Variants in SHLD1 observed in about 807,000 individuals in gnomAD.
SHLD1 encodes the protein shieldin complex subunit 1.
SHLD1 carries 3 observed loss-of-function variants against 5.5 expected under a neutral mutation model. The observed-to-expected ratio is 0.54, with a 90% CI of 0.25 to 1.40. The LOEUF is 1.40. SHLD1 is among the 40% of genes most tolerant of loss of function. The probability of loss-of-function intolerance (pLI) is 0.15; values close to 1 mark genes in which losing one functional copy is unlikely to be tolerated. For synonymous variants in SHLD1, 92 were observed against 94.3 expected, an observed-to-expected ratio of 0.98 and a Z score of 0.14; for missense variants, 210 against 244.4, an observed-to-expected ratio of 0.86 and a Z score of 0.94.
At chr20:5,843,509 T>A (rs1452106556) in intron 2 of SHLD1, among the ~76,000 whole-genome samples, 1 of 152,134 alleles carries the variant, frequency 6.6e-6, no homozygotes, top group Admixed American at 6.5e-5. Context: ...GGTGATTTCT[T>A]GTTAAGCACC....
chr20:5,858,560 G>A (rs751331835), intron 2 of SHLD1, among the ~76,000 whole-genome samples: 11 of 152,178 alleles, frequency 7.2e-5, no homozygotes, highest in African/African-American at 1.2e-4. Context: ...CAGGCTGAGC[G>A]TGGTGGCTCA....
At chr20:5,853,911 C>T (rs1454601142) in intron 2 of SHLD1, among the ~76,000 whole-genome samples, 2 of 151,662 alleles carry the variant, frequency 1.3e-5, no homozygotes, top group Non-Finnish European at 2.9e-5. Context: ...GTGACCACTG[C>T]TCACTGCAGC....
intron 2 of SHLD1, among the ~76,000 whole-genome samples, chr20:5,852,329 C>G (rs1170936078): frequency 6.6e-6 from 1 of 152,184 alleles, no homozygotes; most frequent in Non-Finnish European, 1.5e-5. Flanking sequence ...CTACATATGG[C>G]TAGTGGCTGA....
chr20:5,801,734 G>A (rs2087297047), intron 2 of SHLD1, among the ~76,000 whole-genome samples: 1 of 152,170 alleles, frequency 6.6e-6, no homozygotes, highest in Non-Finnish European at 1.5e-5. Context: ...CTGTACAAAA[G>A]ACAGAGTAAT....
At chr20:5,758,273 T>C (rs1984239814) in intron 1 of SHLD1, among the ~76,000 whole-genome samples, 1 of 135,202 alleles carries the variant, frequency 7.4e-6, no homozygotes. Flanking sequence ...GGGCTAGAGA[T>C]GTTTCTTGGT....
chr20:5,853,650 C>T (rs1317323667), intron 2 of SHLD1, among the ~76,000 whole-genome samples: 2 of 152,054 alleles, frequency 1.3e-5, no homozygotes, highest in African/African-American at 4.8e-5. Flanking sequence ...TAAGTATACC[C>T]TCAGTAGTGT....
intron 2 of SHLD1, among the ~76,000 whole-genome samples, chr20:5,792,967 G>A (rs1030691148): frequency 2.6e-5 from 4 of 152,190 alleles, no homozygotes; most frequent in Admixed American, 6.5e-5. Context: ...GAGCCACCAC[G>A]CCTGGCCTCG....
chr20:5,760,706 A>C (rs563528140), intron 1 of SHLD1, among the ~76,000 whole-genome samples: 4 of 152,178 alleles, frequency 2.6e-5, no homozygotes, highest in African/African-American at 4.8e-5. Context: ...AATAAAAAAA[A>C]AACAACAAGG....
intron 2 of SHLD1, among the ~76,000 whole-genome samples, chr20:5,862,568 TC>T (rs2088177310): frequency 6.6e-6 from 1 of 152,266 alleles, no homozygotes; most frequent in African/African-American, 2.4e-5. Context: ...TTCAGCACCT[TC>T]CCAGTTTGGG....
intron 2 of SHLD1, among the ~76,000 whole-genome samples, chr20:5,846,062 C>T (rs1432685534): frequency 1.3e-5 from 2 of 152,144 alleles, no homozygotes; most frequent in East Asian, 1.9e-4. Context: ...TATGGAAAAA[C>T]GCCAGACTTT....
rs1418708797 is a variant in SHLD1 at position 5,800,673 on chromosome 20, C to A, written c.178+27630C>A. ...ACTGCACCCCAGCCTGGGCAACAGA[C>A]CGAGACTGTCTCAAAAAAAAAAAAA... On this transcript the variant is annotated intron_variant, in intron 2 of 2. Coordinates refer to ENST00000303142, the MANE Select transcript of SHLD1 (RefSeq NM_152504.4). Among the ~76,000 whole-genome samples, 9 of 122,734 alleles carry A rather than the reference C, an allele frequency of 7.3e-5. No homozygotes were observed. In the South Asian group the frequency reaches 1.9e-3, roughly 26 times the overall value. The allele number at this position is 122,734 out of a possible 152,430, so 80.5% of individuals were successfully genotyped here. A position where few individuals can be genotyped will look rare whatever the true frequency, so the allele number is the denominator to read the frequency against.
chr20:5,842,181 T>C (rs2087871471), intron 2 of SHLD1, among the ~76,000 whole-genome samples: 1 of 152,244 alleles, frequency 6.6e-6, no homozygotes, highest in Non-Finnish European at 1.5e-5. Flanking sequence ...CAAGGATAGC[T>C]GGACTACCTT....
At chr20:5,769,298 A>G (rs6053668) in intron 1 of SHLD1, among the ~76,000 whole-genome samples, 1,791 of 152,294 alleles carry the variant, frequency 0.012, 30 homozygotes, top group African/African-American at 0.041. Context: ...CTTTTCTGAC[A>G]TGCAGTTTAT....
intron 2 of SHLD1, among the ~76,000 whole-genome samples, chr20:5,820,689 C>A (rs1171447741): frequency 6.6e-5 from 10 of 152,238 alleles, no homozygotes; most frequent in Admixed American, 6.5e-4. Flanking sequence ...TTATTTCAGA[C>A]TGATATTAAA....
intron 2 of SHLD1, among the ~76,000 whole-genome samples, chr20:5,819,647 C>A (rs1216730457): frequency 6.6e-6 from 1 of 152,120 alleles, no homozygotes; most frequent in African/African-American, 2.4e-5. Flanking sequence ...CACAGCAAGA[C>A]CCTGTTTCTA....
intron 2 of SHLD1, among the ~76,000 whole-genome samples, chr20:5,820,785 G>A (rs762204126): frequency 6.6e-6 from 1 of 152,192 alleles, no homozygotes; most frequent in Non-Finnish European, 1.5e-5. Context: ...TTGTCTCTAG[G>A]TTTGATGTAC....
intron 2 of SHLD1, among the ~76,000 whole-genome samples, chr20:5,795,486 C>A (rs554115616): frequency 6.6e-6 from 1 of 151,278 alleles, no homozygotes; most frequent in Non-Finnish European, 1.5e-5. Flanking sequence ...GTAATCCCAG[C>A]TACTTGGGAG....
intron 1 of SHLD1, among the ~76,000 whole-genome samples, chr20:5,771,278 G>A (rs1262177246): frequency 4.6e-5 from 7 of 152,200 alleles, no homozygotes; most frequent in Non-Finnish European, 1.5e-5. Context: ...TGCAATTGAA[G>A]ACTTGCTGTG....
chr20:5,785,329 A>G (rs1476362447), intron 2 of SHLD1, among the ~76,000 whole-genome samples: 1 of 152,168 alleles, frequency 6.6e-6, no homozygotes, highest in East Asian at 1.9e-4. Flanking sequence ...AGTAAATCCT[A>G]TTATGATCTC....
Sources: allele counts gnomAD v4.1 joint callset (sites outside exome capture counted in the v4.1 genomes callset), GRCh38; gene constraint gnomAD v4.1.1; transcripts MANE v1.5; gene names NCBI Gene and HGNC (gene_info 2026-07-23, HGNC 2026-07-21).